Variants in TMEM132D observed in about 807,000 individuals in gnomAD.
TMEM132D encodes the protein mature OL transmembrane protein.
In TMEM132D, 21 loss-of-function variants were observed where a neutral mutation model predicts 62.3. The observed-to-expected ratio is 0.34, with a 90% CI of 0.24 to 0.49. TMEM132D has a LOEUF of 0.49. Ranked by LOEUF, TMEM132D falls within the 20% of genes least tolerant of loss-of-function variation. The pLI is 0.99. For missense variants in TMEM132D, 1,346 were observed against 1,402.8 expected (o/e 0.96, Z 0.65); for synonymous variants, 621 against 575.6 (o/e 1.08, Z -1.13).
intron 4 of TMEM132D, among the ~76,000 whole-genome samples, chr12:129,286,483 T>A (rs1047787486): frequency 1.4e-4 from 21 of 152,138 alleles, no homozygotes; most frequent in African/African-American, 5.1e-4. Flanking sequence ...GCACAGTATA[T>A]GGCTAAATAA....
At chr12:129,459,030 C>T (rs1873571030) in intron 3 of TMEM132D, among the ~76,000 whole-genome samples, 2 of 152,152 alleles carry the variant, frequency 1.3e-5, no homozygotes, top group African/African-American at 4.8e-5. Context: ...CACATGCTTC[C>T]AGAATAAGCA....
chr12:129,715,009 T>C (rs1417959293), intron 1 of TMEM132D, among the ~76,000 whole-genome samples: 3 of 152,186 alleles, frequency 2.0e-5, no homozygotes, highest in Admixed American at 1.3e-4. Flanking sequence ...AAGAACTTCA[T>C]TAAGCTGTTT....
At chr12:129,262,822 T>C (rs545682570) in intron 4 of TMEM132D, 2 of 152,230 alleles carry the variant, frequency 1.3e-5, no homozygotes, top group East Asian at 1.9e-4. Flanking sequence ...GCTCAGAATA[T>C]AGGACAAAGG....
At chr12:129,709,223 G>A (rs1334241176) in intron 1 of TMEM132D, among the ~76,000 whole-genome samples, 2 of 152,134 alleles carry the variant, frequency 1.3e-5, no homozygotes, top group African/African-American at 4.8e-5. Flanking sequence ...ATGCCTAAAA[G>A]AGGCTTGAAA....
At chr12:129,818,230 G>C (rs550609085) in intron 1 of TMEM132D, among the ~76,000 whole-genome samples, 1 of 149,718 alleles carries the variant, frequency 6.7e-6, no homozygotes, top group Non-Finnish European at 1.5e-5. Flanking sequence ...GTGTGTATGT[G>C]GTTTGGGGTG....
chr12:129,842,097 A>ATTGTTTTTT (rs1566005017), intron 1 of TMEM132D, among the ~76,000 whole-genome samples: 13 of 97,430 alleles, frequency 1.3e-4, no homozygotes, highest in Admixed American at 4.8e-4. Context: ...CGCCCGGCTA[A>ATTGTTTTTT]TTTTTTTTTT....
Position 129,859,491 on chromosome 12 carries a change from A to C in TMEM132D, c.79+43770T>G, listed in dbSNP as rs963170200. Among the ~76,000 whole-genome samples, 3 of 152,340 alleles carry C rather than the reference A, an allele frequency of 2.0e-5. No individual in the cohort carries two copies. In the South Asian group the frequency reaches 6.2e-4, roughly 32 times the overall value. ...ATGTCAACGTGATTGAAGGATGCCT[A>C]TAATACTTTGCATAGCTGGTAAAGT... On this transcript the variant is annotated intron_variant, in intron 1 of 8. Transcript: ENST00000422113.
At chr12:129,582,960 TCA>T (rs1198346050) in intron 2 of TMEM132D, among the ~76,000 whole-genome samples, 1 of 149,854 alleles carries the variant, frequency 6.7e-6, no homozygotes, top group Non-Finnish European at 1.5e-5. Context: ...AGACAGAGTC[TCA>T]CTCTGTCACC....
chr12:129,896,250 A>G (rs1374800366), intron 1 of TMEM132D, among the ~76,000 whole-genome samples: 1 of 151,958 alleles, frequency 6.6e-6, no homozygotes, highest in Non-Finnish European at 1.5e-5. Context: ...GGCCCCCCAA[A>G]GAGCTGGGAT....
chr12:129,690,026 T>C (rs961269128), intron 2 of TMEM132D, among the ~76,000 whole-genome samples: 1 of 152,090 alleles, frequency 6.6e-6, no homozygotes, highest in Non-Finnish European at 1.5e-5. Context: ...CAACATATAC[T>C]GTTTGTTTAA....
At chr12:129,634,020 C>A (rs781161063) in intron 2 of TMEM132D, among the ~76,000 whole-genome samples, 1 of 152,156 alleles carries the variant, frequency 6.6e-6, no homozygotes, top group South Asian at 2.1e-4. Context: ...TGGAGCTTTG[C>A]TGAGACTATT....
chr12:129,666,439 A>C (rs1880381245), intron 2 of TMEM132D, among the ~76,000 whole-genome samples: 1 of 152,210 alleles, frequency 6.6e-6, no homozygotes, highest in Non-Finnish European at 1.5e-5. Context: ...AACTTTAGTA[A>C]TCTTTTAGAA....
At chr12:129,790,021 G>T (rs1293770767) in intron 1 of TMEM132D, among the ~76,000 whole-genome samples, 2 of 152,214 alleles carry the variant, frequency 1.3e-5, no homozygotes, top group Non-Finnish European at 2.9e-5. Context: ...GAGTGCGCAG[G>T]TGCTAGAACT....
At chr12:129,397,247 A>G (rs1871457016) in intron 3 of TMEM132D, among the ~76,000 whole-genome samples, 1 of 152,208 alleles carries the variant, frequency 6.6e-6, no homozygotes, top group Non-Finnish European at 1.5e-5. Flanking sequence ...GGTCTTTTGT[A>G]AATTCTTCTT....
intron 2 of TMEM132D, among the ~76,000 whole-genome samples, chr12:129,587,443 A>T (rs543086933): frequency 6.6e-6 from 1 of 152,262 alleles, no homozygotes; most frequent in South Asian, 2.1e-4. Context: ...AATGGGTACT[A>T]GGCTCATTTC....
intron 1 of TMEM132D, among the ~76,000 whole-genome samples, chr12:129,709,615 G>A (rs922806410): frequency 5.3e-5 from 8 of 152,026 alleles, no homozygotes; most frequent in African/African-American, 1.2e-4. Flanking sequence ...TCCTCCTGAC[G>A]TCTTGGATTT....
At chr12:129,109,245 C>T (rs1456323470) in intron 5 of TMEM132D, among the ~76,000 whole-genome samples, 2 of 152,152 alleles carry the variant, frequency 1.3e-5, no homozygotes, top group African/African-American at 4.8e-5. Flanking sequence ...CATTGCTAGG[C>T]TCTGGATCTG....
chr12:129,323,968 A>G (rs1392237053), intron 4 of TMEM132D, among the ~76,000 whole-genome samples: 1 of 151,254 alleles, frequency 6.6e-6, no homozygotes, highest in Non-Finnish European at 1.5e-5. Context: ...AAAAGCAGTT[A>G]CCTCCTTCAC....
intron 1 of TMEM132D, among the ~76,000 whole-genome samples, chr12:129,752,535 A>G (rs560738688): frequency 6.6e-6 from 1 of 152,358 alleles, no homozygotes; most frequent in East Asian, 1.9e-4. Context: ...GGAAATTTGA[A>G]ACCTGTCTTA....
Sources: allele counts gnomAD v4.1 joint callset (sites outside exome capture counted in the v4.1 genomes callset), GRCh38; gene constraint gnomAD v4.1.1; transcripts MANE v1.5; gene names NCBI Gene and HGNC (gene_info 2026-07-23, HGNC 2026-07-21).